Variants in SMAP1 observed in about 807,000 individuals in gnomAD.
SMAP1 encodes the protein stromal membrane-associated protein 1.
In SMAP1, 24 loss-of-function variants were observed where a neutral mutation model predicts 58.5. The ratio of observed to expected loss-of-function variants is 0.41; its 90% CI spans 0.30 to 0.58. SMAP1 has a LOEUF of 0.58. SMAP1 is among the 20% of genes least tolerant of loss of function. SMAP1 has a pLI of 0.29. For synonymous variants in SMAP1, 216 were observed against 196.6 expected (o/e 1.10, Z -0.82); for missense variants, 563 against 566.3 (o/e 0.99, Z 0.06).
At chr6:70,859,991 A>ATCTT (rs1009995178) in intron 10 of SMAP1, 15 of 462,630 alleles carry the variant, frequency 3.2e-5, no homozygotes, top group African/African-American at 8.0e-5. Context: ...GTTGTGGTTA[A>ATCTT]TCTTTGGGGA....
At chr6:70,770,388 A>T (rs368271285) in intron 3 of SMAP1, among the ~76,000 whole-genome samples, 1 of 152,356 alleles carries the variant, frequency 6.6e-6, no homozygotes, top group Non-Finnish European at 1.5e-5. Context: ...AGGTAGATCA[A>T]TCAGACATAG....
chr6:70,817,955 G>A (rs1769712786), intron 6 of SMAP1, among the ~76,000 whole-genome samples: 1 of 152,146 alleles, frequency 6.6e-6, no homozygotes. Flanking sequence ...TGTATCTCCA[G>A]ACTAAAATAG....
chr6:70,677,067 A>C (rs771631869), intron 1 of SMAP1, among the ~76,000 whole-genome samples: 11 of 152,072 alleles, frequency 7.2e-5, no homozygotes, highest in Non-Finnish European at 1.2e-4. Flanking sequence ...CTAGGATTAG[A>C]GGTGTGAGCC....
chr6:70,671,949 A>G (rs1766283583), intron 1 of SMAP1, among the ~76,000 whole-genome samples: 1 of 152,196 alleles, frequency 6.6e-6, no homozygotes, highest in Admixed American at 6.5e-5. Context: ...TCTCTTGCCC[A>G]TTCAATTTTG....
chr6:70,820,943 G>T (rs1271597515), intron 6 of SMAP1, among the ~76,000 whole-genome samples: 1 of 152,158 alleles, frequency 6.6e-6, no homozygotes, highest in Non-Finnish European at 1.5e-5. Flanking sequence ...CAGTAACAGT[G>T]GTTCAAGGGA....
intron 3 of SMAP1, among the ~76,000 whole-genome samples, chr6:70,758,764 T>G (rs552327249): frequency 1.3e-5 from 2 of 152,058 alleles, no homozygotes; most frequent in Non-Finnish European, 2.9e-5. Flanking sequence ...GAAAGCTACA[T>G]TAAGATTGGC....
At chr6:70,785,999 A>T (rs1239944681) in intron 4 of SMAP1, among the ~76,000 whole-genome samples, 1 of 152,224 alleles carries the variant, frequency 6.6e-6, no homozygotes, top group East Asian at 1.9e-4. Context: ...GACACAACCA[A>T]AAAAGAGAAT....
intron 6 of SMAP1, among the ~76,000 whole-genome samples, chr6:70,816,824 A>C (rs1289363803): frequency 2.6e-5 from 4 of 152,190 alleles, no homozygotes; most frequent in Non-Finnish European, 5.9e-5. Context: ...ATCTCCTAGA[A>C]GATTTTTTAA....
intron 2 of SMAP1, among the ~76,000 whole-genome samples, chr6:70,740,684 C>T (rs1765778397): frequency 6.6e-6 from 1 of 152,156 alleles, no homozygotes; most frequent in South Asian, 2.1e-4. Context: ...TTTGTAGGGG[C>T]TAGACTGTCT....
intron 3 of SMAP1, among the ~76,000 whole-genome samples, chr6:70,761,159 A>G (rs1053717827): frequency 7.9e-5 from 12 of 152,164 alleles, no homozygotes; most frequent in Non-Finnish European, 1.8e-4. Context: ...AAATCTTAAA[A>G]TATATAGATA....
chr6:70,843,162 C>G (rs1008689550), intron 7 of SMAP1, among the ~76,000 whole-genome samples: 2 of 151,196 alleles, frequency 1.3e-5, no homozygotes, highest in Non-Finnish European at 3.0e-5. Context: ...ACTCCCCCCC[C>G]CCTTTTTAAA....
intron 6 of SMAP1, among the ~76,000 whole-genome samples, chr6:70,834,371 C>CAA (rs3034191): frequency 0.14 from 19,040 of 136,220 alleles, 1,355 homozygotes; most frequent in Middle Eastern, 0.25. Context: ...TAAAATACAC[C>CAA]AAAAAAAAAA....
At chr6:70,760,849 A>C (rs529763021) in intron 3 of SMAP1, among the ~76,000 whole-genome samples, 38 of 152,098 alleles carry the variant, frequency 2.5e-4, no homozygotes, top group Non-Finnish European at 4.3e-4. Context: ...CTGCTGTGAA[A>C]GTGTAATTTC....
At chr6:70,833,486 A>G (rs1217050890) in intron 6 of SMAP1, among the ~76,000 whole-genome samples, 3 of 152,158 alleles carry the variant, frequency 2.0e-5, no homozygotes, top group Non-Finnish European at 2.9e-5. Context: ...TCAGATGCCA[A>G]CTCTAAGGAT....
At chr6:70,776,499 G>A (rs1767553483) in intron 4 of SMAP1, among the ~76,000 whole-genome samples, 1 of 152,056 alleles carries the variant, frequency 6.6e-6, no homozygotes, top group Non-Finnish European at 1.5e-5. Flanking sequence ...ATTTCTTTGT[G>A]TTGGGAACAT....
chr6:70,787,983 A>G (rs1285346277), intron 4 of SMAP1, among the ~76,000 whole-genome samples: 2 of 152,178 alleles, frequency 1.3e-5, no homozygotes, highest in East Asian at 1.9e-4. Context: ...TCGTGCTACT[A>G]TAAAGACACG....
chr6:70,815,945 A>G (rs889911803), intron 6 of SMAP1, among the ~76,000 whole-genome samples: 9 of 152,160 alleles, frequency 5.9e-5, no homozygotes, highest in African/African-American at 9.7e-5. Context: ...AAAAATGATG[A>G]AAACAGCTTA....
chr6:70,826,438 A>G (rs913002338), intron 6 of SMAP1, among the ~76,000 whole-genome samples: 1 of 151,874 alleles, frequency 6.6e-6, no homozygotes, highest in Non-Finnish European at 1.5e-5. Context: ...TAGTCTTACC[A>G]GCACTCACTG....
chr6:70,856,067 T>C lies in SMAP1; in HGVS notation c.790-792T>C, dbSNP rs545103279. On this transcript the variant is annotated intron_variant, in intron 8 of 10. Coordinates refer to ENST00000370455, the MANE Select transcript of SMAP1 (RefSeq NM_001044305.3). Reference sequence around the variant, plus strand: ...GTAGTTTGAGAAGGATCAGCCAGCTTTTACTAGTCTTCATAGAATTCTTTG... The same window carrying C: ...GTAGTTTGAGAAGGATCAGCCAGCTCTTACTAGTCTTCATAGAATTCTTTG... Among the ~76,000 whole-genome samples, 82 of 152,314 alleles carry C rather than the reference T, an allele frequency of 5.4e-4. 1 individual carries two copies. In the East Asian group the frequency reaches 0.011, roughly 21 times the overall value.
Sources: gnomAD v4.1 joint callset for allele counts (sites outside exome capture counted in the v4.1 genomes callset) on GRCh38, gnomAD v4.1.1 for gene constraint, MANE v1.5 for transcripts, NCBI Gene and HGNC (gene_info 2026-07-23, HGNC 2026-07-21) for gene names.